Variants in SVOP observed in about 807,000 individuals in gnomAD.
SVOP encodes the protein synaptic vesicle 2-related protein.
Under a neutral mutation model 69.1 loss-of-function variants are expected in SVOP, and 17 were observed. The ratio of observed to expected loss-of-function variants is 0.25; its 90% CI spans 0.17 to 0.37. The LOEUF (loss-of-function observed/expected upper bound fraction) is 0.37, where lower values mean the gene tolerates loss of function less well. SVOP is among the 10% of genes least tolerant of loss of function. The pLI, the probability that SVOP is intolerant of heterozygous loss-of-function variation, is 1.00. For synonymous variants in SVOP, 238 were observed against 238.6 expected (o/e 1.00, Z 0.02); for missense variants, 435 against 597.5 (o/e 0.73, Z 2.84).
chr12:108,977,377 G>A (rs1458130039), intron 4 of SVOP, 21 bp downstream of exon 4: 1 of 1,536,626 alleles, frequency 6.5e-7, no homozygotes, highest in African/African-American at 1.4e-5. Flanking sequence ...TGCAACAGAA[G>A]GGAGCTGCTG....
At chr12:109,018,964 C>A (rs1240037745) in intron 1 of SVOP, among the ~76,000 whole-genome samples, 2 of 152,174 alleles carry the variant, frequency 1.3e-5, no homozygotes, top group Non-Finnish European at 2.9e-5. Flanking sequence ...AAGGTTAAGT[C>A]ACTTGCTTAA....
At position 108,913,408 on chromosome 12, in the gene SVOP, C is replaced by A. The variant is rs539444091; in HGVS notation, c.1441-667G>T. Among the ~76,000 whole-genome samples the A allele has an allele frequency of 2.5e-4, 38 of 152,266 alleles. 1 individual carries two copies. The South Asian group carries it at 7.7e-3, about 31-fold the overall frequency. On this transcript the variant is annotated intron_variant, in intron 15 of 15. Coordinates refer to ENST00000610966, the MANE Select transcript of SVOP (RefSeq NM_018711.5). Reference sequence around the variant, plus strand: ...AAAACGGACCAACACAGATGCCATGCCACAGCCCTATGAGCTAAGTACTTC... The same window carrying A: ...AAAACGGACCAACACAGATGCCATGACACAGCCCTATGAGCTAAGTACTTC...
intron 4 of SVOP, 125 bp from the exon 5 acceptor site, chr12:108,972,601 C>G: frequency 1.0e-6 from 1 of 996,938 alleles, no homozygotes; most frequent in Non-Finnish European, 1.5e-6. Context: ...TCACTGAGAG[C>G]CTGCCAAGGG....
At chr12:109,009,362 C>G (rs1215415505) in intron 1 of SVOP, among the ~76,000 whole-genome samples, 1 of 152,102 alleles carries the variant, frequency 6.6e-6, no homozygotes, top group Non-Finnish European at 1.5e-5. Flanking sequence ...GAACTTAGAG[C>G]CTTTTACCAA....
At chr12:109,013,734 C>T (rs759305403) in intron 1 of SVOP, among the ~76,000 whole-genome samples, 3 of 152,036 alleles carry the variant, frequency 2.0e-5, no homozygotes, top group Non-Finnish European at 4.4e-5. Flanking sequence ...GCATTAAGCA[C>T]GTTCACATTG....
chr12:108,962,693 C>T (rs1385990143), intron 5 of SVOP, among the ~76,000 whole-genome samples: 2 of 152,092 alleles, frequency 1.3e-5, no homozygotes, highest in Admixed American at 1.3e-4. Flanking sequence ...GGGCCGAGCA[C>T]GGTGGCTCAC....
At chr12:108,977,022 A>C (rs547707478) in intron 4 of SVOP, among the ~76,000 whole-genome samples, 1 of 152,344 alleles carries the variant, frequency 6.6e-6, no homozygotes, top group East Asian at 1.9e-4. Flanking sequence ...GCTCCAATTT[A>C]TTGAACACCT....
At chr12:108,915,921 C>A in intron 14 of SVOP, 49 bp from the exon 15 acceptor site, 1 of 1,498,422 alleles carries the variant, frequency 6.7e-7, no homozygotes. Context: ...AGGTTCCTCC[C>A]ACCACTCCAG....
intron 1 of SVOP, among the ~76,000 whole-genome samples, chr12:108,996,310 C>G (rs949010536): frequency 6.6e-6 from 1 of 152,104 alleles, no homozygotes; most frequent in Non-Finnish European, 1.5e-5. Context: ...GTAGTCCCCA[C>G]ACTTTGGGAG....
chr12:109,014,201 A>G (rs1225873674), intron 1 of SVOP, among the ~76,000 whole-genome samples: 1 of 151,954 alleles, frequency 6.6e-6, no homozygotes, highest in East Asian at 1.9e-4. Flanking sequence ...TTTTCAGTAG[A>G]GACTGGGTTT....
Position 108,912,439 on chromosome 12 carries a change from T to TGGC in SVOP, c.*95_*96insGCC. The stretch of plus-strand genomic sequence containing the variant: ...GTCCAGGTCATACTCTTGGGTGAGT[T>TGGC]CTTGATGTCGGCAGTGACAATCAGT... On this transcript the variant is annotated 3_prime_UTR_variant, in exon 16 of 16. Transcript: ENST00000610966. 6.3e-7 allele frequency: 1 copy of TGGC among 1,576,012 alleles called. No individual in the cohort carries two copies.
chr12:108,988,858 C>T (rs537462986), intron 1 of SVOP, among the ~76,000 whole-genome samples: 56 of 150,476 alleles, frequency 3.7e-4, no homozygotes, highest in African/African-American at 1.3e-3. Context: ...CTGCAGCCTC[C>T]GCTTCCCAGG....
In SVOP at chr12:109,020,885, G is replaced by T. The variant is rs984923728; in HGVS notation, c.-17C>A. 1 of 717,654 alleles carries T rather than the reference G, an allele frequency of 1.4e-6. No individual in the cohort carries two copies. Among genetic ancestry groups the T allele is most frequent in the South Asian group, 1.5e-5 (1 of 67,560 alleles). The allele number at this position is 717,654 out of a possible 1,614,324, so 44.5% of individuals were successfully genotyped here. A position where few individuals can be genotyped will look rare whatever the true frequency, so the allele number is the denominator to read the frequency against. On this transcript the variant is annotated 5_prime_UTR_variant, in exon 1 of 16. Coordinates refer to ENST00000610966, the MANE Select transcript of SVOP (RefSeq NM_018711.5). ...CTCCTCCATGTCCGCGCTGCGCCAG[G>T]ATGAGCCCTTCTCATGGCCCTTACA...
At chr12:108,991,245 G>A (rs905124230) in intron 1 of SVOP, among the ~76,000 whole-genome samples, 2 of 152,174 alleles carry the variant, frequency 1.3e-5, no homozygotes, top group African/African-American at 4.8e-5. Context: ...TGGTTAGAAG[G>A]TGGGACCCAG....
At chr12:108,935,542 T>C (rs4964777) in intron 10 of SVOP, among the ~76,000 whole-genome samples, 77,365 of 152,096 alleles carry the variant, frequency 0.51, 22,269 homozygotes, top group African/African-American at 0.79. Context: ...ATTGAGCTCT[T>C]AGGAATTCGG....
At chr12:108,928,209 C>T (rs1364639281) in intron 11 of SVOP, among the ~76,000 whole-genome samples, 1 of 152,028 alleles carries the variant, frequency 6.6e-6, no homozygotes, top group Non-Finnish European at 1.5e-5. Context: ...CAGCCAACCC[C>T]CACACCCCCC....
chr12:108,934,337 C>A (rs151002896), intron 10 of SVOP, 66 bp from the exon 11 acceptor site: 16 of 1,390,482 alleles, frequency 1.2e-5, no homozygotes, highest in Admixed American at 2.0e-5. Context: ...TTCCCTACCC[C>A]CTTGGGAAGG....
At chr12:108,941,427 T>C (rs1458252351) in intron 7 of SVOP, among the ~76,000 whole-genome samples, 2 of 152,172 alleles carry the variant, frequency 1.3e-5, no homozygotes, top group Non-Finnish European at 2.9e-5. Flanking sequence ...GGTTTCACTA[T>C]GTTTCCCAGG....
chr12:108,961,180 T>A, intron 5 of SVOP, 133 bp from the exon 6 acceptor site: 1 of 1,171,304 alleles, frequency 8.5e-7, no homozygotes, highest in Non-Finnish European at 1.1e-6. Context: ...ACTGGGTTCC[T>A]CTGTATGGGG....
Sources: gnomAD v4.1 joint callset for allele counts (sites outside exome capture counted in the v4.1 genomes callset) on GRCh38, gnomAD v4.1.1 for gene constraint, MANE v1.5 for transcripts, NCBI Gene and HGNC (gene_info 2026-07-23, HGNC 2026-07-21) for gene names.